IL1RAPL1: variants seen among roughly 807,000 people sequenced by gnomAD.
The protein encoded by IL1RAPL1 is interleukin 1 receptor accessory protein like 1, also known as interleukin-1 receptor accessory protein-like 1.
In IL1RAPL1, 3 loss-of-function variants were observed where a neutral mutation model predicts 48.4. The ratio of observed to expected loss-of-function variants is 0.06; its 90% CI spans 0.03 to 0.16. The LOEUF (loss-of-function observed/expected upper bound fraction) is 0.16. IL1RAPL1 is among the 10% of genes least tolerant of loss of function. The probability of loss-of-function intolerance (pLI) is 1.00; values close to 1 mark genes in which losing one functional copy is unlikely to be tolerated. For synonymous variants in IL1RAPL1, 185 were observed against 187.7 expected (o/e 0.99, Z 0.12); for missense variants, 349 against 530.6 (o/e 0.66, Z 3.36).
At chrX:29,354,289 A>T (rs1488690354) in intron 3 of IL1RAPL1, among the ~76,000 whole-genome samples, 1 of 111,183 alleles carries the variant, frequency 9.0e-6, no homozygotes, top group Non-Finnish European at 1.9e-5. Flanking sequence ...GATGATGATG[A>T]TGTTGATGAC....
chrX:28,655,307 A>G (rs1438560661), intron 1 of IL1RAPL1, among the ~76,000 whole-genome samples: 1 of 111,444 alleles, frequency 9.0e-6, no homozygotes, highest in African/African-American at 3.3e-5. Context: ...AAATGGTAAA[A>G]AAAAAAAATT....
At chrX:29,470,359 T>C (rs1294145397) in intron 5 of IL1RAPL1, among the ~76,000 whole-genome samples, 2 of 111,757 alleles carry the variant, frequency 1.8e-5, no homozygotes, top group African/African-American at 6.5e-5. Context: ...CAGAGGCTTC[T>C]GTATGTGGTA....
chrX:28,588,544 G>A (rs911534789), intron 1 of IL1RAPL1, among the ~76,000 whole-genome samples: 3 of 112,024 alleles, frequency 2.7e-5, no homozygotes, highest in African/African-American at 9.7e-5. Flanking sequence ...TTTCACAGCC[G>A]CAATGGGACC....
chrX:28,965,461 GT>G (rs1283145317), intron 2 of IL1RAPL1, among the ~76,000 whole-genome samples: 1 of 111,561 alleles, frequency 9.0e-6, no homozygotes, highest in Non-Finnish European at 1.9e-5. Flanking sequence ...TAATTGAACA[GT>G]TTTTTGCTCC....
chrX:29,518,079 AT>A (rs5901923), intron 5 of IL1RAPL1, among the ~76,000 whole-genome samples: 12 of 110,894 alleles, frequency 1.1e-4, no homozygotes, highest in Middle Eastern at 4.7e-3. Flanking sequence ...CATTCAACAA[AT>A]TTTTTTTGAG....
intron 2 of IL1RAPL1, among the ~76,000 whole-genome samples, chrX:29,177,949 T>A (rs1036777931): frequency 1.8e-5 from 2 of 112,288 alleles, no homozygotes; most frequent in Non-Finnish European, 3.8e-5. Context: ...CTGCATAGTA[T>A]TCCATGGTGT....
In IL1RAPL1 at chrX:29,305,641, C is replaced by G. The variant is rs774010761; in HGVS notation, c.362+22424C>G. 8.9e-5 allele frequency among the ~76,000 whole-genome samples: 10 copies of G among 111,774 alleles called. No homozygotes were observed. The South Asian group carries it at 3.7e-3, about 42-fold the overall frequency. ...GAAGGAAGGATATCAAGCCCAGTCCCTATCTCTGAAATGCAAAAAGTATGA... is the reference window on the plus strand; with the variant it reads ...GAAGGAAGGATATCAAGCCCAGTCCGTATCTCTGAAATGCAAAAAGTATGA... On this transcript the variant is annotated intron_variant, in intron 3 of 10. Coordinates refer to ENST00000378993, the MANE Select transcript of IL1RAPL1 (RefSeq NM_014271.4).
At chrX:29,905,692 T>TA (rs765707111) in intron 6 of IL1RAPL1, among the ~76,000 whole-genome samples, 2 of 111,663 alleles carry the variant, frequency 1.8e-5, no homozygotes, top group African/African-American at 3.3e-5. Flanking sequence ...AGAGTGTTCA[T>TA]AAAATCCTTC....
intron 5 of IL1RAPL1, among the ~76,000 whole-genome samples, chrX:29,660,828 C>T (rs554792806): frequency 1.8e-5 from 2 of 111,941 alleles, no homozygotes; most frequent in South Asian, 7.4e-4. Flanking sequence ...CTATTTCGTT[C>T]CATATGAATT....
chrX:29,093,265 C>A (rs1928130229), intron 2 of IL1RAPL1, among the ~76,000 whole-genome samples: 1 of 110,666 alleles, frequency 9.0e-6, no homozygotes, highest in Non-Finnish European at 1.9e-5. Flanking sequence ...TCTGGGGAAG[C>A]CTCAGGAAAC....
At chrX:29,747,469 G>T (rs1928360617) in intron 6 of IL1RAPL1, among the ~76,000 whole-genome samples, 1 of 111,994 alleles carries the variant, frequency 8.9e-6, no homozygotes, top group Non-Finnish European at 1.9e-5. Context: ...TTATCAAGAG[G>T]GCTCTTATTG....
intron 2 of IL1RAPL1, among the ~76,000 whole-genome samples, chrX:29,228,190 A>G (rs770709254): frequency 6.9e-5 from 3 of 43,367 alleles, no homozygotes; most frequent in South Asian, 8.4e-4. Context: ...ACACACACAC[A>G]CACACACACA....
intron 1 of IL1RAPL1, among the ~76,000 whole-genome samples, chrX:28,618,313 C>A (rs1008321105): frequency 2.7e-5 from 3 of 112,224 alleles, no homozygotes; most frequent in African/African-American, 6.5e-5. Flanking sequence ...CACAATAATT[C>A]TAAACTGAAG....
intron 6 of IL1RAPL1, among the ~76,000 whole-genome samples, chrX:29,681,356 GTAACTAA>G (rs1298249515): frequency 8.9e-6 from 1 of 112,210 alleles, no homozygotes; most frequent in Non-Finnish European, 1.9e-5. Context: ...TGTGTTTGGA[GTAACTAA>G]TAAAATCTCT....
intron 2 of IL1RAPL1, among the ~76,000 whole-genome samples, chrX:29,253,234 A>C (rs113769006): frequency 4.1e-4 from 45 of 111,096 alleles, no homozygotes; most frequent in African/African-American, 1.3e-3. Context: ...AAAATCAGTC[A>C]TGCTAGATGA....
At chrX:29,669,588 T>C (rs1926090887) in intron 6 of IL1RAPL1, among the ~76,000 whole-genome samples, 1 of 111,759 alleles carries the variant, frequency 8.9e-6, no homozygotes, top group Non-Finnish European at 1.9e-5. Context: ...TTTTAGCACC[T>C]ATAAAATTAT....
intron 6 of IL1RAPL1, among the ~76,000 whole-genome samples, chrX:29,681,600 T>C (rs769294815): frequency 1.2e-4 from 14 of 112,287 alleles, no homozygotes; most frequent in Non-Finnish European, 2.6e-4. Flanking sequence ...TTTACTCTTC[T>C]CTGCACATTT....
intron 2 of IL1RAPL1, among the ~76,000 whole-genome samples, chrX:29,119,823 A>G (rs1408192903): frequency 9.0e-6 from 1 of 111,534 alleles, no homozygotes; most frequent in Non-Finnish European, 1.9e-5. Context: ...AAAGGGGGAA[A>G]ATACAGATTT....
At chrX:29,464,778 A>G (rs1357348000) in intron 5 of IL1RAPL1, among the ~76,000 whole-genome samples, 1 of 112,293 alleles carries the variant, frequency 8.9e-6, no homozygotes, top group Non-Finnish European at 1.9e-5. Flanking sequence ...TGTCCTTTGT[A>G]GCAGCATTCA....
Sources: gnomAD v4.1 joint callset for allele counts (sites outside exome capture counted in the v4.1 genomes callset) on GRCh38, gnomAD v4.1.1 for gene constraint, MANE v1.5 for transcripts, NCBI Gene and HGNC (gene_info 2026-07-23, HGNC 2026-07-21) for gene names.